The following ESCO1 variants were observed in gnomAD, a reference collection of about 807,000 sequenced individuals.
ESCO1 encodes the protein establishment of sister chromatid cohesion N-acetyltransferase 1.
In ESCO1, 33 loss-of-function variants were observed where a neutral mutation model predicts 83.5. The ratio of observed to expected loss-of-function variants is 0.40; its 90% CI spans 0.30 to 0.53. The LOEUF (loss-of-function observed/expected upper bound fraction) is 0.53, where lower values mean the gene tolerates loss of function less well. Ranked by LOEUF, ESCO1 falls within the 20% of genes least tolerant of loss-of-function variation. The pLI, the probability that ESCO1 is intolerant of heterozygous loss-of-function variation, is 0.63. For synonymous variants in ESCO1, 332 were observed against 324.3 expected, an observed-to-expected ratio of 1.02 and a Z score of -0.25; for missense variants, 855 against 968.0, an observed-to-expected ratio of 0.88 and a Z score of 1.55.
chr18:21,594,059 C>G (rs932957834), intron 1 of ESCO1, among the ~76,000 whole-genome samples: 5 of 152,158 alleles, frequency 3.3e-5, no homozygotes, highest in African/African-American at 1.2e-4. Flanking sequence ...GCAGCAGCCC[C>G]GACCTCCATC....
intron 1 of ESCO1, among the ~76,000 whole-genome samples, chr18:21,592,754 C>G (rs1430055289): frequency 7.0e-6 from 1 of 142,956 alleles, no homozygotes; most frequent in African/African-American, 2.6e-5. Flanking sequence ...ACTTCTCAGA[C>G]GGGGCGGCTG....
intron 5 of ESCO1, among the ~76,000 whole-genome samples, chr18:21,567,593 G>A (rs937589124): frequency 6.6e-6 from 1 of 152,118 alleles, no homozygotes; most frequent in Non-Finnish European, 1.5e-5. Context: ...CATTCAGATG[G>A]AAAACTGAGT....
chr18:21,579,391 G>A (rs116826070), intron 2 of ESCO1, among the ~76,000 whole-genome samples: 22,643 of 151,966 alleles, frequency 0.15, 1,927 homozygotes, highest in Middle Eastern at 0.26. Context: ...GAGCTCAGGA[G>A]TCTGAGGCTG....
At chr18:21,572,373 A>T (rs1022719563) in intron 4 of ESCO1, among the ~76,000 whole-genome samples, 1 of 152,224 alleles carries the variant, frequency 6.6e-6, no homozygotes, top group Non-Finnish European at 1.5e-5. Context: ...TAGAAAGAAA[A>T]GGGCTCAGCT....
chr18:21,585,156 A>C (rs2038557533), intron 1 of ESCO1, among the ~76,000 whole-genome samples: 1 of 152,010 alleles, frequency 6.6e-6, no homozygotes, highest in South Asian at 2.1e-4. Context: ...AAAAAAAAAA[A>C]AACTTACACA....
At chr18:21,563,702 GTGAA>G (rs1250882560) in intron 7 of ESCO1, among the ~76,000 whole-genome samples, 4 of 152,124 alleles carry the variant, frequency 2.6e-5, no homozygotes, top group Non-Finnish European at 5.9e-5. Flanking sequence ...TTTGGCAAAA[GTGAA>G]TGAATTTATT....
chr18:21,583,486 A>G (rs1342418518), intron 2 of ESCO1, among the ~76,000 whole-genome samples: 1 of 152,038 alleles, frequency 6.6e-6, no homozygotes, highest in African/African-American at 2.4e-5. Context: ...TCTACTAAAA[A>G]TACAAAAATT....
At chr18:21,536,649 A>C (rs1429173562) in intron 9 of ESCO1, among the ~76,000 whole-genome samples, 1 of 151,988 alleles carries the variant, frequency 6.6e-6, no homozygotes, top group African/African-American at 2.4e-5. Context: ...ACTGTTTTTT[A>C]ACCCCTTTGG....
chr18:21,598,316 G>A (rs1007097722), intron 1 of ESCO1, among the ~76,000 whole-genome samples: 1 of 152,290 alleles, frequency 6.6e-6, no homozygotes, highest in East Asian at 1.9e-4. Flanking sequence ...AGAAGTTAAT[G>A]GCATTCATTA....
At position 21,573,574 on chromosome 18, in the gene ESCO1, G is replaced by C; in HGVS notation, c.1270C>G (p.Pro424Ala). ...KLGLLRTSFS[P>A]PALEMHHPVT... ...GGATGATGCATTTCTAAAGCTGGTG[G>C]TGAAAAACTGGTTCGTAATAAGCCT... The change falls in exon 4 of 12, where the codon CCA (proline) becomes GCA (alanine). Residue 424 changes from proline (P) to alanine (A), a missense_variant. This residue lies in a region of ESCO1 where 726 missense variants were observed against 699.5 expected (regional missense o/e 1.04). Transcript: ENST00000269214. The C allele has an allele frequency of 6.2e-7, 1 of 1,614,102 alleles. No individual in the cohort carries two copies. The highest frequency in any genetic ancestry group is 2.2e-5 in the East Asian group (1 of 44,868).
At chr18:21,541,592 C>CAAAAAAAAA (rs58040604) in intron 8 of ESCO1, among the ~76,000 whole-genome samples, 1 of 86,816 alleles carries the variant, frequency 1.2e-5, no homozygotes, top group Non-Finnish European at 2.5e-5. Flanking sequence ...GACACTGTCC[C>CAAAAAAAAA]AAAAAAAAAA....
chr18:21,588,005 CTT>C (rs2038606362), intron 1 of ESCO1, among the ~76,000 whole-genome samples: 1 of 151,480 alleles, frequency 6.6e-6, no homozygotes, highest in Non-Finnish European at 1.5e-5. Flanking sequence ...GAGAGGATCA[CTT>C]GAGTCCAGAA....
chr18:21,580,209 T>G (rs1442909785), intron 2 of ESCO1, among the ~76,000 whole-genome samples: 4 of 152,004 alleles, frequency 2.6e-5, no homozygotes, highest in Non-Finnish European at 4.4e-5. Context: ...CCCAAAAATT[T>G]TTTTTCAGCC....
At chr18:21,590,819 G>A (rs1052752600) in intron 1 of ESCO1, among the ~76,000 whole-genome samples, 3 of 151,734 alleles carry the variant, frequency 2.0e-5, no homozygotes, top group Admixed American at 6.6e-5. Context: ...GTGGTGGCAC[G>A]TGCCTATAGT....
intron 8 of ESCO1, among the ~76,000 whole-genome samples, chr18:21,541,585 A>G (rs1377259058): frequency 4.3e-5 from 4 of 92,352 alleles, no homozygotes; most frequent in Non-Finnish European, 8.9e-5. Context: ...AGAGCGAGAC[A>G]CTGTCCCAAA....
At chr18:21,588,082 C>A (rs1255149062) in intron 1 of ESCO1, among the ~76,000 whole-genome samples, 1 of 149,030 alleles carries the variant, frequency 6.7e-6, no homozygotes, top group Admixed American at 6.7e-5. Context: ...CCCGGGCAAC[C>A]CAGCAAGGAT....
chr18:21,558,593 G>C (rs1006040822), intron 8 of ESCO1, among the ~76,000 whole-genome samples: 2 of 151,884 alleles, frequency 1.3e-5, no homozygotes, highest in African/African-American at 4.8e-5. Context: ...GCTGGGAGTG[G>C]TGGCATGCAC....
chr18:21,600,335 T>TC (rs2038825848), intron 1 of ESCO1, among the ~76,000 whole-genome samples: 1 of 152,192 alleles, frequency 6.6e-6, no homozygotes, highest in Non-Finnish European at 1.5e-5. Flanking sequence ...CCGTCGGCGG[T>TC]CACGACCCCT....
intron 10 of ESCO1, 129 bp downstream of exon 10, chr18:21,535,913 G>A: frequency 9.1e-7 from 1 of 1,098,414 alleles, no homozygotes; most frequent in Non-Finnish European, 1.3e-6. Context: ...ACTCACACAT[G>A]GGAATTCTTG....
Sources: gnomAD v4.1 joint callset for allele counts (sites outside exome capture counted in the v4.1 genomes callset) on GRCh38, gnomAD v4.1.1 for gene constraint, gnomAD v4.1.1 regional missense constraint, MANE v1.5 for transcripts, NCBI Gene and HGNC (gene_info 2026-07-23, HGNC 2026-07-21) for gene names.